The following IL16 variants were observed in gnomAD, a reference collection of about 807,000 sequenced individuals.
IL16 encodes the protein pro-interleukin-16.
IL16 carries 67 observed loss-of-function variants against 110.1 expected under a neutral mutation model. That is an observed-to-expected ratio of 0.61 (90% CI 0.50 to 0.75). The LOEUF (loss-of-function observed/expected upper bound fraction) is 0.75. IL16 is among the 30% of genes least tolerant of loss of function. The pLI is 0.00. For synonymous variants in IL16, 689 were observed against 662.9 expected (o/e 1.04, Z -0.61); for missense variants, 1,545 against 1,655.0 (o/e 0.93, Z 1.15).
chr15:81,308,524 C>G, intron 18 of IL16, 81 bp from the exon 19 acceptor site: 1 of 1,041,072 alleles, frequency 9.6e-7, no homozygotes, highest in Non-Finnish European at 1.4e-6. Flanking sequence ...GCTATCCTGG[C>G]TCTTTGGAGA....
intron 10 of IL16, among the ~76,000 whole-genome samples, chr15:81,286,864 G>A (rs1212849928): frequency 3.3e-5 from 5 of 152,162 alleles, no homozygotes; most frequent in Non-Finnish European, 7.4e-5. Context: ...GGCTGGGGAG[G>A]CCTCACAATC....
intron 2 of IL16, among the ~76,000 whole-genome samples, chr15:81,240,305 A>C (rs1200337524): frequency 6.6e-6 from 1 of 152,032 alleles, no homozygotes; most frequent in African/African-American, 2.4e-5. Context: ...ATTAGAGACT[A>C]TACTTCCATG....
Position 81,289,708 on chromosome 15 carries a change from C to T in IL16, c.1333-745C>T, listed in dbSNP as rs1043476272. ...AACTATTTATCTGAAATATGATTTGCGAATATTTTCTCCAATTCTATGAGT... is the reference window on the plus strand; with the variant it reads ...AACTATTTATCTGAAATATGATTTGTGAATATTTTCTCCAATTCTATGAGT... On this transcript the variant is annotated intron_variant, in intron 10 of 18. Coordinates refer to ENST00000683961, the MANE Select transcript of IL16 (RefSeq NM_172217.5). 8.5e-5 allele frequency among the ~76,000 whole-genome samples: 13 copies of T among 152,214 alleles called. No homozygotes were observed. In the South Asian group the frequency reaches 1.4e-3, roughly 17 times the overall value.
intron 15 of IL16, among the ~76,000 whole-genome samples, chr15:81,302,960 T>A (rs1444293749): frequency 6.6e-6 from 1 of 152,180 alleles, no homozygotes; most frequent in Admixed American, 6.5e-5. Context: ...TAGGAGTCTC[T>A]GACTGTGTCC....
At chr15:81,228,280 A>C (rs971656895) in intron 2 of IL16, among the ~76,000 whole-genome samples, 1 of 151,850 alleles carries the variant, frequency 6.6e-6, no homozygotes, top group Non-Finnish European at 1.5e-5. Flanking sequence ...GGAAAGAACA[A>C]ACTTCACCTT....
chr15:81,275,946 C>T (rs964039514), intron 6 of IL16, among the ~76,000 whole-genome samples: 7 of 152,100 alleles, frequency 4.6e-5, no homozygotes, highest in African/African-American at 1.4e-4. Flanking sequence ...CAGATATAGC[C>T]AAATAAGGAC....
rs564879934 is a variant in IL16, at chr15:81,201,401, G to T, written c.-102+4249G>T. On this transcript the variant is annotated intron_variant, in intron 1 of 18. Coordinates refer to ENST00000683961, the MANE Select transcript of IL16 (RefSeq NM_172217.5). ...CATAATGCTCTATAGCTGTTATTTT[G>T]CATTTCTTTGAATCTCCTCTCAGTT... is the stretch of plus-strand genomic sequence containing the variant. 2.0e-5 allele frequency among the ~76,000 whole-genome samples: 3 copies of T among 152,102 alleles called. No homozygotes were observed. The East Asian group carries it at 5.8e-4, about 29-fold the overall frequency.
intron 2 of IL16, among the ~76,000 whole-genome samples, chr15:81,254,371 G>T (rs1361514324): frequency 6.6e-6 from 1 of 152,060 alleles, no homozygotes; most frequent in Non-Finnish European, 1.5e-5. Flanking sequence ...CTTCATTCTG[G>T]GTCCATTCCT....
intron 2 of IL16, among the ~76,000 whole-genome samples, chr15:81,247,070 C>CTCTTTTTTTTTTTTTTTTTTTTTT (rs1567016849): frequency 1.9e-5 from 2 of 107,608 alleles, no homozygotes; most frequent in African/African-American, 7.0e-5. Context: ...TCTTTCTTTT[C>CTCTTTTTTTTTTTTTTTTTTTTTT]TTTTCCTTTT....
chr15:81,309,327 T>G lies in IL16; in HGVS notation c.*529T>G, dbSNP rs1351869553. ...CTGGCCGTTGATGTTGGCTGGGAAC[T>G]CACCTGGGGCTGCTGGCCTGAATGC... On this transcript the variant is annotated 3_prime_UTR_variant, in exon 19 of 19. Coordinates refer to ENST00000683961, the MANE Select transcript of IL16 (RefSeq NM_172217.5). 1 of 152,832 alleles carries G rather than the reference T, an allele frequency of 6.5e-6. No individual in the cohort carries two copies. The highest frequency in any genetic ancestry group is 6.5e-5 in the Admixed American group (1 of 15,306). The allele number at this position is 152,832 out of a possible 1,614,324, so 9.5% of individuals were successfully genotyped here.
chr15:81,212,938 G>A (rs1424642156), intron 1 of IL16, among the ~76,000 whole-genome samples: 1 of 151,924 alleles, frequency 6.6e-6, no homozygotes, highest in East Asian at 1.9e-4. Context: ...GGGTTAGTTT[G>A]TTCTTTTTTT....
chr15:81,245,876 T>C (rs1026018493), intron 2 of IL16, among the ~76,000 whole-genome samples: 4 of 152,052 alleles, frequency 2.6e-5, no homozygotes, highest in African/African-American at 9.7e-5. Flanking sequence ...GTCTTCTTGC[T>C]ACCTTTCAGA....
At chr15:81,301,240 A>C (rs1352723504) in intron 14 of IL16, 104 bp from the exon 15 acceptor site, 2 of 926,016 alleles carry the variant, frequency 2.2e-6, no homozygotes, top group African/African-American at 1.7e-5. Context: ...AATAATATGC[A>C]CATAAGTGCT....
At chr15:81,258,197 C>A (rs1291732328) in intron 2 of IL16, among the ~76,000 whole-genome samples, 1 of 152,132 alleles carries the variant, frequency 6.6e-6, no homozygotes, top group Non-Finnish European at 1.5e-5. Flanking sequence ...CAGTCTCTAT[C>A]CCTATACCCA....
At chr15:81,265,501 C>T (rs1333930803) in intron 3 of IL16, among the ~76,000 whole-genome samples, 158 bp from the exon 4 acceptor site, 1 of 152,134 alleles carries the variant, frequency 6.6e-6, no homozygotes, top group Non-Finnish European at 1.5e-5. Context: ...CTCATGTCTT[C>T]CGCGGCCACC....
At chr15:81,238,028 C>A (rs544669560) in intron 2 of IL16, among the ~76,000 whole-genome samples, 2 of 152,160 alleles carry the variant, frequency 1.3e-5, no homozygotes, top group Admixed American at 6.5e-5. Context: ...CTCAGCCTTC[C>A]GAGTAGCTGG....
rs1325894816 is a variant in IL16 at position 81,310,017 on chromosome 15, A to C, written c.*1219A>C. On this transcript the variant is annotated 3_prime_UTR_variant, in exon 19 of 19. Transcript: ENST00000683961. ...CAGGGAATGCCTGAGTGCCTGGCCA[A>C]AGGGATATTTGGTTTGGCCATCTCT... 1.3e-5 allele frequency: 2 copies of C among 152,200 alleles called. No homozygotes were observed. Among genetic ancestry groups the C allele is most frequent in the Non-Finnish European group, 2.9e-5 (2 of 68,018 alleles). The allele number at this position is 152,200 out of a possible 1,614,324, so 9.4% of individuals were successfully genotyped here.
intron 2 of IL16, among the ~76,000 whole-genome samples, chr15:81,226,765 G>A (rs1468586122): frequency 6.6e-6 from 1 of 152,174 alleles, no homozygotes; most frequent in Non-Finnish European, 1.5e-5. Flanking sequence ...TGGGTAGAAG[G>A]AGAAGCCATC....
chr15:81,265,472 G>A (rs572680976), intron 3 of IL16, among the ~76,000 whole-genome samples, 187 bp from the exon 4 acceptor site: 2 of 152,288 alleles, frequency 1.3e-5, no homozygotes, highest in African/African-American at 2.4e-5. Flanking sequence ...CAGCATGCGT[G>A]GAGATCATGA....
Sources: allele counts gnomAD v4.1 joint callset (sites outside exome capture counted in the v4.1 genomes callset), GRCh38; gene constraint gnomAD v4.1.1; transcripts MANE v1.5; gene names NCBI Gene and HGNC (gene_info 2026-07-23, HGNC 2026-07-21).